Variants in HECW2 observed in about 807,000 individuals in gnomAD.
HECW2 encodes HECT, C2 and WW domain containing E3 ubiquitin protein ligase 2, also known as E3 ubiquitin-protein ligase HECW2.
Under a neutral mutation model 175.2 loss-of-function variants are expected in HECW2, and 61 were observed. The ratio of observed to expected loss-of-function variants is 0.35; its 90% CI spans 0.28 to 0.43. The LOEUF (loss-of-function observed/expected upper bound fraction) is 0.43. HECW2 is among the 20% of genes least tolerant of loss of function. The pLI is 1.00. For synonymous variants in HECW2, 671 were observed against 731.0 expected, an observed-to-expected ratio of 0.92 and a Z score of 1.32; for missense variants, 1,524 against 2,000.5, an observed-to-expected ratio of 0.76 and a Z score of 4.54.
In HECW2 at chr2:196,307,216, C is replaced by T. The variant is rs772066031; in HGVS notation, c.2603G>A (p.Arg868Lys). ...CTCAGGCCTCTCATTGGTCATGGTTCTGCGGATACTCTGATATCTAAAATC... is the reference window on the plus strand; with the variant it reads ...CTCAGGCCTCTCATTGGTCATGGTTTTGCGGATACTCTGATATCTAAAATC... ...QLNRRYQSIRRTMTNERPEEN... is the reference protein window; with the variant it reads ...QLNRRYQSIRKTMTNERPEEN... Residue 868 changes from arginine (R) to lysine (K), a missense_variant, in exon 12 of 29, where the codon AGA becomes AAA. This residue lies in a region of HECW2 where 105 missense variants were observed against 98.1 expected (regional missense o/e 1.07). Transcript: ENST00000644978. 7.4e-6 allele frequency: 12 copies of T among 1,611,374 alleles called. No homozygotes were observed. The highest frequency in any genetic ancestry group is 9.3e-6 in the Non-Finnish European group (11 of 1,177,596).
At chr2:196,344,096 C>A (rs1318747449) in intron 2 of HECW2, among the ~76,000 whole-genome samples, 1 of 151,918 alleles carries the variant, frequency 6.6e-6, no homozygotes, top group African/African-American at 2.4e-5. Context: ...TGGGTGTGCT[C>A]CCATTTGTAA....
In HECW2 at chr2:196,292,769, A is replaced by G; in HGVS notation, c.2815-19T>C. The G allele has an allele frequency of 6.3e-7, 1 of 1,591,696 alleles. No individual in the cohort carries two copies. The highest frequency in any genetic ancestry group is 8.6e-7 in the Non-Finnish European group (1 of 1,162,810). On this transcript the variant is annotated intron_variant, in intron 13 of 28. Coordinates refer to ENST00000644978, the MANE Select transcript of HECW2 (RefSeq NM_001348768.2). ...AGGCACTCTAAAGAAAAGAATGGAG[A>G]ACCAATGTTAACCCACTTGTGACAT...
intron 1 of HECW2, among the ~76,000 whole-genome samples, chr2:196,546,835 A>G (rs1689440477): frequency 2.0e-5 from 3 of 151,310 alleles, no homozygotes; most frequent in Admixed American, 2.0e-4. Flanking sequence ...AAAAAAAAAA[A>G]GAGAGAAAGT....
At chr2:196,257,730 G>A (rs1689118101) in intron 18 of HECW2, 93 bp downstream of exon 18, 1 of 876,468 alleles carries the variant, frequency 1.1e-6, no homozygotes. Flanking sequence ...ACAATTTTTA[G>A]GCTATGAATA....
chr2:196,542,060 G>C (rs140225092), intron 1 of HECW2, among the ~76,000 whole-genome samples: 2 of 151,880 alleles, frequency 1.3e-5, no homozygotes, highest in Admixed American at 6.6e-5. Context: ...TCAGGAGTTC[G>C]AGACCAGTCT....
intron 1 of HECW2, among the ~76,000 whole-genome samples, chr2:196,433,814 C>G (rs1695789145): frequency 1.3e-5 from 2 of 152,220 alleles, no homozygotes; most frequent in Admixed American, 1.3e-4. Context: ...TTCCATCCCA[C>G]ACACATATTT....
chr2:196,573,264 A>T (rs1012692475), intron 1 of HECW2, among the ~76,000 whole-genome samples: 32 of 151,172 alleles, frequency 2.1e-4, no homozygotes, highest in Non-Finnish European at 4.4e-4. Context: ...AAAAAAAAAA[A>T]TGTCAAAATC....
In HECW2 at chr2:196,319,435, C is replaced by G; in HGVS notation, c.1455G>C (p.Glu485Asp). The G allele has an allele frequency of 1.2e-6, 2 of 1,613,826 alleles. No homozygotes were observed. The highest frequency in any genetic ancestry group is 1.7e-6 in the Non-Finnish European group (2 of 1,179,866). ...CCCTGCTAAACATGATCAGGCCTCC[C>G]TCCTCCTCCAAGGAAGATGGGTAAC... ...DLGYPSSLEE[E>D]GGLIMFSRAS... Residue 485 changes from glutamate (E) to aspartate (D), a missense_variant, in exon 9 of 29, where the codon GAG (glutamate) becomes GAC (aspartate). Glu to Asp is a conservative substitution (Grantham distance 45). Around this residue, in one of 11 missense-constraint regions of HECW2, gnomAD observed 604 missense variants for 588.3 expected, o/e 1.03. Coordinates refer to ENST00000644978, the MANE Select transcript of HECW2 (RefSeq NM_001348768.2).
chr2:196,454,114 A>T (rs1418662935), intron 1 of HECW2, among the ~76,000 whole-genome samples: 1 of 152,096 alleles, frequency 6.6e-6, no homozygotes, highest in Non-Finnish European at 1.5e-5. Context: ...AGGTTCAAGC[A>T]ATTTATGGCT....
At chr2:196,414,942 T>A (rs1159803369) in intron 2 of HECW2, among the ~76,000 whole-genome samples, 2 of 152,134 alleles carry the variant, frequency 1.3e-5, no homozygotes, top group Non-Finnish European at 2.9e-5. Context: ...TTAGAGCAGT[T>A]CCCTTCATGC....
At chr2:196,365,164 A>G (rs553132533) in intron 2 of HECW2, among the ~76,000 whole-genome samples, 10 of 152,250 alleles carry the variant, frequency 6.6e-5, no homozygotes, top group Non-Finnish European at 1.2e-4. Context: ...ACATCACTTA[A>G]CTAAAGTAGC....
chr2:196,313,417 C>G (rs1010359821), intron 10 of HECW2, among the ~76,000 whole-genome samples: 4 of 152,174 alleles, frequency 2.6e-5, no homozygotes, highest in Non-Finnish European at 4.4e-5. Context: ...CAAGCTACTT[C>G]CCTGGGAGGC....
At chr2:196,352,522 C>T (rs987529841) in intron 2 of HECW2, among the ~76,000 whole-genome samples, 15 of 152,164 alleles carry the variant, frequency 9.9e-5, no homozygotes, top group African/African-American at 3.6e-4. Flanking sequence ...GTTGAACTCA[C>T]AATATGTACT....
intron 1 of HECW2, among the ~76,000 whole-genome samples, chr2:196,463,551 T>C (rs757532955): frequency 1.3e-5 from 2 of 152,230 alleles, no homozygotes; most frequent in African/African-American, 4.8e-5. Context: ...TGGCATTCGT[T>C]TGCATTATGA....
intron 23 of HECW2, among the ~76,000 whole-genome samples, chr2:196,222,756 A>C (rs1174434534): frequency 6.6e-6 from 1 of 151,976 alleles, no homozygotes; most frequent in East Asian, 1.9e-4. Flanking sequence ...GAAATTATTT[A>C]TATATTTCTA....
intron 14 of HECW2, among the ~76,000 whole-genome samples, chr2:196,285,360 T>C (rs1690345273): frequency 6.6e-6 from 1 of 152,196 alleles, no homozygotes; most frequent in African/African-American, 2.4e-5. Context: ...TGCTTGTAAC[T>C]ATGCTACAGA....
At chr2:196,423,684 T>TTGTGTGTGTGTG (rs60030164) in intron 2 of HECW2, among the ~76,000 whole-genome samples, 21,216 of 139,806 alleles carry the variant, frequency 0.15, 1,727 homozygotes, top group South Asian at 0.19. Context: ...TAGTATTCCA[T>TTGTGTGTGTGTG]TGTGTGTGTG....
At chr2:196,542,311 G>A (rs569170648) in intron 1 of HECW2, among the ~76,000 whole-genome samples, 7 of 149,198 alleles carry the variant, frequency 4.7e-5, no homozygotes, top group Non-Finnish European at 7.4e-5. Flanking sequence ...TAAAAAGTAC[G>A]GTAAACAAGA....
intron 2 of HECW2, among the ~76,000 whole-genome samples, chr2:196,382,481 A>C (rs566247362): frequency 7.0e-4 from 106 of 152,164 alleles, no homozygotes; most frequent in Non-Finnish European, 1.1e-3. Flanking sequence ...CAAAAAAAAA[A>C]CATGTAATAA....
Sources: gnomAD v4.1 joint callset for allele counts (sites outside exome capture counted in the v4.1 genomes callset) on GRCh38, gnomAD v4.1.1 for gene constraint, gnomAD v4.1.1 regional missense constraint, MANE v1.5 for transcripts, NCBI Gene and HGNC (gene_info 2026-07-23, HGNC 2026-07-21) for gene names.